The following SCLT1 variants were observed in gnomAD, a reference collection of about 807,000 sequenced individuals.
SCLT1 encodes the protein sodium channel-associated protein 1.
SCLT1 carries 78 observed loss-of-function variants against 112.8 expected under a neutral mutation model. The observed-to-expected ratio is 0.69, with a 90% CI of 0.58 to 0.83. The LOEUF is 0.83. Ranked by LOEUF, SCLT1 falls within the 40% of genes least tolerant of loss-of-function variation. The pLI is 0.00. For synonymous variants in SCLT1, 257 were observed against 254.7 expected, an observed-to-expected ratio of 1.01 and a Z score of -0.09; for missense variants, 747 against 770.4, an observed-to-expected ratio of 0.97 and a Z score of 0.36.
intron 14 of SCLT1, among the ~76,000 whole-genome samples, chr4:128,951,724 CACA>C (rs1579481839): frequency 1.3e-5 from 2 of 152,136 alleles, no homozygotes; most frequent in East Asian, 3.9e-4. Flanking sequence ...AGCAAAACTC[CACA>C]ACAACAAAAA....
chr4:129,018,811 G>C (rs1745209135), intron 5 of SCLT1, among the ~76,000 whole-genome samples: 1 of 152,022 alleles, frequency 6.6e-6, no homozygotes, highest in Non-Finnish European at 1.5e-5. Context: ...CAACTACTAA[G>C]TTAGAAGGTA....
chr4:129,043,438 T>C lies in SCLT1; in HGVS notation c.191A>G (p.Asp64Gly). ...CCCATTTAGTTCTCCTAGGTGTTTA[T>C]CATACTCAGTAACAAGAGGAGCTAA... Reference protein sequence around the residue: ...SFLAPLVTEYDKHLGELNGQL... With the variant: ...SFLAPLVTEYGKHLGELNGQL... The change falls in exon 4 of 21, where the codon GAT (aspartate) becomes GGT (glycine). Residue 64 changes from aspartate (D) to glycine (G), a missense_variant. This residue lies in a region of SCLT1 where 723 missense variants were observed against 721.3 expected (regional missense o/e 1.00). Transcript: ENST00000281142. 1.3e-6 allele frequency: 2 copies of C among 1,546,710 alleles called. No homozygotes were observed. Among genetic ancestry groups the C allele is most frequent in the Non-Finnish European group, 1.8e-6 (2 of 1,127,240 alleles).
intron 18 of SCLT1, among the ~76,000 whole-genome samples, chr4:128,916,751 T>C (rs1579368619): frequency 6.6e-6 from 1 of 152,288 alleles, no homozygotes; most frequent in African/African-American, 2.4e-5. Flanking sequence ...GAGCAATGTG[T>C]CCTTGTATCA....
At chr4:129,014,856 G>A (rs1744850545) in intron 5 of SCLT1, among the ~76,000 whole-genome samples, 1 of 152,202 alleles carries the variant, frequency 6.6e-6, no homozygotes. Flanking sequence ...CTGCCTCCCT[G>A]TGGGAATTAA....
intron 18 of SCLT1, among the ~76,000 whole-genome samples, chr4:128,914,342 C>A (rs904319209): frequency 6.7e-6 from 1 of 150,264 alleles, no homozygotes; most frequent in East Asian, 2.0e-4. Flanking sequence ...CCAGCCTGGG[C>A]GAAAGAGCGA....
At chr4:128,900,970 T>C (rs1379796639) in intron 18 of SCLT1, among the ~76,000 whole-genome samples, 1 of 151,800 alleles carries the variant, frequency 6.6e-6, no homozygotes, top group Non-Finnish European at 1.5e-5. Flanking sequence ...AAAACCACAA[T>C]GAGATACCAT....
intron 18 of SCLT1, among the ~76,000 whole-genome samples, chr4:128,894,496 A>G (rs528984524): frequency 5.3e-5 from 8 of 151,980 alleles, no homozygotes; most frequent in African/African-American, 1.9e-4. Flanking sequence ...TAGCAATTAA[A>G]TTTTTACTTC....
chr4:129,062,560 T>C (rs528242363), intron 2 of SCLT1, among the ~76,000 whole-genome samples: 136 of 152,284 alleles, frequency 8.9e-4, no homozygotes, highest in African/African-American at 2.9e-3. Flanking sequence ...CTCTTTAGCA[T>C]CTTTTGTAAA....
intron 9 of SCLT1, among the ~76,000 whole-genome samples, chr4:128,984,201 T>C (rs139879597): frequency 6.6e-6 from 1 of 152,328 alleles, no homozygotes; most frequent in East Asian, 1.9e-4. Flanking sequence ...GGCCCTAATG[T>C]CCACACTAAA....
In SCLT1 at chr4:128,942,987, T is replaced by C; in HGVS notation, c.1632+9A>G. On this transcript the variant is annotated intron_variant, in intron 17 of 20. Coordinates refer to ENST00000281142, the MANE Select transcript of SCLT1 (RefSeq NM_144643.4). ...ATAAGTACACATTTAACTCTAGTCT[T>C]GAAAATACCTTTACTTTGGCTTTTT... 6.3e-7 allele frequency: 1 copy of C among 1,592,020 alleles called. No homozygotes were observed.
chr4:128,934,306 C>T (rs1440460464), intron 18 of SCLT1, among the ~76,000 whole-genome samples: 1 of 151,772 alleles, frequency 6.6e-6, no homozygotes, highest in African/African-American at 2.4e-5. Flanking sequence ...CACACAGGCA[C>T]ATGCACTCCT....
At chr4:129,061,026 G>A (rs955087183) in intron 2 of SCLT1, among the ~76,000 whole-genome samples, 1 of 152,116 alleles carries the variant, frequency 6.6e-6, no homozygotes, top group Non-Finnish European at 1.5e-5. Context: ...GCAGGGCACA[G>A]CACTGGCCCA....
At chr4:128,990,049 C>T (rs1255965082) in intron 9 of SCLT1, among the ~76,000 whole-genome samples, 1 of 151,768 alleles carries the variant, frequency 6.6e-6, no homozygotes, top group African/African-American at 2.4e-5. Flanking sequence ...ACCAATCCTA[C>T]TCTAACTATT....
intron 5 of SCLT1, among the ~76,000 whole-genome samples, chr4:129,031,212 C>T (rs1746689470): frequency 6.6e-6 from 1 of 151,912 alleles, no homozygotes; most frequent in Non-Finnish European, 1.5e-5. Flanking sequence ...TGACAAAAAC[C>T]ACATGATTAT....
Position 128,899,863 on chromosome 4 carries a change from A to C in SCLT1, c.1830-8726T>G, listed in dbSNP as rs1296896059. Among the ~76,000 whole-genome samples, 45 of 152,176 alleles carry C rather than the reference A, an allele frequency of 3.0e-4. No individual in the cohort carries two copies. In the East Asian group the frequency reaches 5.6e-3, roughly 19 times the overall value. ...AAAATCAATGTGCAAAAATCACAAG[A>C]ATTCTTATACACCAATAACAGACAA... On this transcript the variant is annotated intron_variant, in intron 18 of 20. Coordinates refer to ENST00000281142, the MANE Select transcript of SCLT1 (RefSeq NM_144643.4).
chr4:129,063,237 G>A lies in SCLT1; in HGVS notation c.102+19069C>T, dbSNP rs577857764. 3.9e-5 allele frequency among the ~76,000 whole-genome samples: 6 copies of A among 152,134 alleles called. No individual in the cohort carries two copies. In the South Asian group the frequency reaches 6.2e-4, roughly 16 times the overall value. On this transcript the variant is annotated intron_variant, in intron 2 of 20. Transcript: ENST00000281142. ...ATCTTAACATCTGAATCAGTCTTAC[G>A]TTGCCATCTTAACATATGAAGCAGT...
At chr4:128,875,728 T>C (rs1445255978) in intron 4 of SCLT1, among the ~76,000 whole-genome samples, 1 of 152,212 alleles carries the variant, frequency 6.6e-6, no homozygotes, top group Non-Finnish European at 1.5e-5. Flanking sequence ...CTATTATTTT[T>C]ATTAGGAACA....
Position 129,069,456 on chromosome 4 carries a change from T to C in SCLT1, c.102+12850A>G, listed in dbSNP as rs180735395. 9.2e-5 allele frequency among the ~76,000 whole-genome samples: 14 copies of C among 152,204 alleles called. No individual in the cohort carries two copies. The East Asian group carries it at 2.5e-3, about 27-fold the overall frequency. On this transcript the variant is annotated intron_variant, in intron 2 of 20. Transcript: ENST00000281142. Reference sequence around the variant, plus strand: ...TATGATTTCTTTCAGCAGTGTTTCATAGTTTTCCTTGTACTTTGACTACTT... The same window carrying C: ...TATGATTTCTTTCAGCAGTGTTTCACAGTTTTCCTTGTACTTTGACTACTT...
At chr4:129,044,121 T>C (rs1747960853) in intron 2 of SCLT1, 70 bp from the exon 3 acceptor site, 5 of 716,964 alleles carry the variant, frequency 7.0e-6, no homozygotes, top group African/African-American at 1.8e-5. Flanking sequence ...TGATATAATA[T>C]TAAATGCAAT....
Sources: allele counts gnomAD v4.1 joint callset (sites outside exome capture counted in the v4.1 genomes callset), GRCh38; gene constraint gnomAD v4.1.1; regional missense constraint gnomAD v4.1.1; transcripts MANE v1.5; gene names NCBI Gene and HGNC (gene_info 2026-07-23, HGNC 2026-07-21).